FAU: variants seen among roughly 807,000 people sequenced by gnomAD.
The protein encoded by FAU is FAU ubiquitin like and ribosomal protein S30 fusion.
For missense variants in FAU, 125 were observed against 173.9 expected (o/e 0.72, Z 1.58); for synonymous variants, 70 against 69.9 (o/e 1.00, Z -0.01).
At chr11:65,121,462 C>T in intron 3 of FAU, 38 bp downstream of exon 3, 1 of 1,602,372 alleles carries the variant, frequency 6.2e-7, no homozygotes, top group Non-Finnish European at 8.5e-7. Flanking sequence ...TCACTAGACG[C>T]TTACCGGTAC....
rs1267041233 is a variant in FAU, at chr11:65,121,720, G to A, written c.75+19C>T. 1 of 1,613,894 alleles carries A rather than the reference G, an allele frequency of 6.2e-7. No homozygotes were observed. The highest frequency in any genetic ancestry group is 8.5e-7 in the Non-Finnish European group (1 of 1,180,018). On this transcript the variant is annotated intron_variant, in intron 2 of 4. Transcript: ENST00000529639. ...AGAGCACAAGAAAATGGAACCCAGG[G>A]CGCACCAAGCAGCCTTACCTTGATC...
In FAU at chr11:65,120,901, C is replaced by T. The variant is rs1042877839; in HGVS notation, c.276+80G>A. The T allele has an allele frequency of 3.6e-5, 58 of 1,608,888 alleles. No individual in the cohort carries two copies. In the East Asian group the frequency reaches 9.1e-4, roughly 25 times the overall value. ...ATCTCCAGGGAGGGAGAAGGCAAAC[C>T]GAGTAAGAGCCCAGGGACTTGGTTT... is the stretch of plus-strand genomic sequence containing the variant. On this transcript the variant is annotated intron_variant, in intron 4 of 4. Coordinates refer to ENST00000529639, the MANE Select transcript of FAU (RefSeq NM_001997.5).
At position 65,121,864 on chromosome 11, in the gene FAU, C is replaced by A. The variant is rs1260666913; in HGVS notation, c.-8-43G>T. The A allele has an allele frequency of 2.5e-6, 4 of 1,594,430 alleles. No individual in the cohort carries two copies. The East Asian group carries it at 6.7e-5, about 27-fold the overall frequency. On this transcript the variant is annotated intron_variant, in intron 1 of 4. Transcript: ENST00000529639. ...GGCTTGTAAGAGAAGCCAAGAAATG[C>A]TCTGGGATAAAGGAGATTTGGGAGT...
chr11:65,122,035 C>A (rs1186750106), intron 1 of FAU, 55 bp downstream of exon 1: 6 of 611,094 alleles, frequency 9.8e-6, no homozygotes, highest in South Asian at 2.0e-5. Flanking sequence ...CGCCTTCTGA[C>A]CCCGCAGCCA....
intron 3 of FAU, chr11:65,121,293 G>A: frequency 1.3e-6 from 1 of 766,962 alleles, no homozygotes; most frequent in Non-Finnish European, 2.0e-6. Flanking sequence ...ATCTCGTGAT[G>A]TGACTGAAAT....
In FAU at chr11:65,121,055, G is replaced by A; in HGVS notation, c.221-19C>T. 1 of 1,613,964 alleles carries A rather than the reference G, an allele frequency of 6.2e-7. No homozygotes were observed. Among genetic ancestry groups the A allele is most frequent in the Non-Finnish European group, 8.5e-7 (1 of 1,179,906 alleles). ...ACTTTACCTGTAGTGGGAAAGGAAG[G>A]CACCAGCAGGTAAGAGCAAGAAGGT... On this transcript the variant is annotated intron_variant, in intron 3 of 4. Transcript: ENST00000529639.
In FAU at chr11:65,121,928, C is replaced by G. The variant is rs988635728; in HGVS notation, c.-8-107G>C. The G allele has an allele frequency of 1.7e-5, 20 of 1,196,088 alleles. No individual in the cohort carries two copies. The Middle Eastern group carries it at 6.0e-4, about 36-fold the overall frequency. The allele number at this position is 1,196,088 out of a possible 1,614,324, so 74.1% of individuals were successfully genotyped here. The stretch of plus-strand genomic sequence containing the variant: ...GAAACGATCGCGACGGGATGGTGGT[C>G]GCGGCGGCTCACGTGGGGAAGGCCA... On this transcript the variant is annotated intron_variant, in intron 1 of 4. Transcript: ENST00000529639.
At position 65,121,725 on chromosome 11, in the gene FAU, C is replaced by G. The variant is rs371896088; in HGVS notation, c.75+14G>C. On this transcript the variant is annotated intron_variant, in intron 2 of 4. Transcript: ENST00000529639. ...ACAAGAAAATGGAACCCAGGGCGCA[C>G]CAAGCAGCCTTACCTTGATCTGGGC... 6.2e-7 allele frequency: 1 copy of G among 1,614,030 alleles called. No homozygotes were observed. Among genetic ancestry groups the G allele is most frequent in the Non-Finnish European group, 8.5e-7 (1 of 1,180,020 alleles).
In FAU at chr11:65,121,633, G is replaced by C. The variant is rs760851188; in HGVS notation, c.87C>G (p.Ala29=). Residue 29 remains alanine, a synonymous_variant, in exon 3 of 5, where the codon GCC becomes GCG. Transcript: ENST00000529639. The part of the protein sequence containing the change: ...ETVAQIKAHV[A]SLEGIAPEDQ... ...CTTCCGGGGCAATGCCCTCCAGTGA[G>C]GCTACATGAGCCTACAGGGAAAGAT... 5.0e-6 allele frequency: 8 copies of C among 1,613,930 alleles called. No homozygotes were observed. Among genetic ancestry groups the C allele is most frequent in the Non-Finnish European group, 6.8e-6 (8 of 1,179,994 alleles).
chr11:65,120,883 G>C lies in FAU; in HGVS notation c.277-77C>G. ...ATCCCTTCCCTCAGGCTCATCTCCA[G>C]GGAGGGAGAAGGCAAACCGAGTAAG... On this transcript the variant is annotated intron_variant, in intron 4 of 4. Transcript: ENST00000529639. The C allele has an allele frequency of 1.9e-6, 3 of 1,609,390 alleles. No individual in the cohort carries two copies. In the South Asian group the frequency reaches 3.3e-5, roughly 18 times the overall value.
chr11:65,121,651 G>A lies in FAU; in HGVS notation c.76-7C>T, dbSNP rs1276075098. On this transcript the variant is annotated splice_region_variant and splice_polypyrimidine_tract_variant and intron_variant, in intron 2 of 4. Transcript: ENST00000529639. Reference sequence around the variant, plus strand: ...CCAGTGAGGCTACATGAGCCTACAGGGAAAGATAAGGCTCGTAAGCGTTCC... The same window carrying A: ...CCAGTGAGGCTACATGAGCCTACAGAGAAAGATAAGGCTCGTAAGCGTTCC... 6 of 1,613,714 alleles carry A rather than the reference G, an allele frequency of 3.7e-6. No individual in the cohort carries two copies. Among genetic ancestry groups the A allele is most frequent in the Non-Finnish European group, 3.4e-6 (4 of 1,179,950 alleles).
intron 2 of FAU, 35 bp downstream of exon 2, chr11:65,121,704 G>T (rs773878351): frequency 3.7e-6 from 6 of 1,613,976 alleles, no homozygotes; most frequent in Non-Finnish European, 5.1e-6. Context: ...AAGAGCACAA[G>T]AAAATGGAAC....
intron 1 of FAU, 88 bp downstream of exon 1, chr11:65,122,002 G>A (rs942535008): frequency 4.7e-6 from 3 of 644,444 alleles, no homozygotes; most frequent in Non-Finnish European, 8.0e-6. Context: ...CACGGAGCAG[G>A]CCCCGTTCTT....
chr11:65,121,102 T>C, intron 3 of FAU, 66 bp from the exon 4 acceptor site: 1 of 1,537,770 alleles, frequency 6.5e-7, no homozygotes, highest in East Asian at 2.2e-5. Context: ...GAACCCCTCT[T>C]TTCTCAATTC....
chr11:65,122,023 C>T (rs540512513), intron 1 of FAU, 67 bp downstream of exon 1: 2 of 620,172 alleles, frequency 3.2e-6, no homozygotes, highest in East Asian at 2.8e-5. Context: ...CGGTTCCCCC[C>T]GCGCCTTCTG....
In FAU at chr11:65,120,758, G is replaced by A. The variant is rs372080439; in HGVS notation, c.325C>T (p.Arg109Trp). The change falls in exon 5 of 5, where the codon CGG becomes TGG. Residue 109 changes from arginine to tryptophan, a missense_variant. Physicochemically the swap from Arg to Trp is moderately radical, Grantham distance 101. Transcript: ENST00000529639. ...KKKKTGRAKR[R>W]MQYNRRFVNV... ...ACAAAGCGCCGGTTGTACTGCATCC[G>A]CCGCTTAGCCCGACCTGTCTTCTTC... The A allele has an allele frequency of 3.7e-6, 6 of 1,614,038 alleles. No homozygotes were observed. The highest frequency in any genetic ancestry group is 2.2e-5 in the East Asian group (1 of 44,896).
chr11:65,120,952 A>G, intron 4 of FAU, 29 bp downstream of exon 4: 1 of 1,613,468 alleles, frequency 6.2e-7, no homozygotes, highest in Non-Finnish European at 8.5e-7. Flanking sequence ...AAAAGTCCTA[A>G]CACCATGACC....
rs765687898 is a variant in FAU at position 65,120,961 on chromosome 11, C to A, written c.276+20G>T. ...AGGAAAAAAAGTCCTAACACCATGACCACTAATACTCTCACTCACCTTAGG... is the reference window on the plus strand; with the variant it reads ...AGGAAAAAAAGTCCTAACACCATGAACACTAATACTCTCACTCACCTTAGG... On this transcript the variant is annotated intron_variant, in intron 4 of 4. Coordinates refer to ENST00000529639, the MANE Select transcript of FAU (RefSeq NM_001997.5). 2.5e-6 allele frequency: 4 copies of A among 1,613,964 alleles called. No individual in the cohort carries two copies. The highest frequency in any genetic ancestry group is 2.2e-5 in the South Asian group (2 of 91,054).
chr11:65,121,714 C>G, intron 2 of FAU, 25 bp downstream of exon 2: 1 of 1,613,970 alleles, frequency 6.2e-7, no homozygotes, highest in South Asian at 1.1e-5. Flanking sequence ...GAAAATGGAA[C>G]CCAGGGCGCA....
Sources: allele counts gnomAD v4.1 joint callset, GRCh38; gene constraint gnomAD v4.1.1; transcripts MANE v1.5; gene names NCBI Gene and HGNC (gene_info 2026-07-23, HGNC 2026-07-21).